The following SORCS3 variants were observed in gnomAD, a reference collection of about 807,000 sequenced individuals.
SORCS3 encodes VPS10 domain-containing receptor SorCS3.
Under a neutral mutation model 146.3 loss-of-function variants are expected in SORCS3, and 57 were observed. The observed-to-expected ratio is 0.39, with a 90% confidence interval of 0.31 to 0.49. SORCS3 has a LOEUF of 0.49. Ranked by LOEUF, SORCS3 falls within the 20% of genes least tolerant of loss-of-function variation. The pLI, the probability that SORCS3 is intolerant of heterozygous loss-of-function variation, is 0.92. For synonymous variants in SORCS3, 653 were observed against 618.5 expected (o/e 1.06, Z -0.83); for missense variants, 1,341 against 1,575.5 (o/e 0.85, Z 2.52).
chr10:104,820,815 A>G (rs939257434), intron 1 of SORCS3, among the ~76,000 whole-genome samples: 7 of 152,226 alleles, frequency 4.6e-5, no homozygotes, highest in Non-Finnish European at 7.3e-5. Context: ...AAGTTGCTGT[A>G]ATGTTAGGAT....
intron 1 of SORCS3, among the ~76,000 whole-genome samples, chr10:104,826,249 G>T (rs1177609450): frequency 6.6e-6 from 1 of 152,170 alleles, no homozygotes; most frequent in East Asian, 1.9e-4. Context: ...CTCAGTAAAT[G>T]TTAGCATGCT....
chr10:104,953,439 G>GC (rs2019454641), intron 3 of SORCS3, among the ~76,000 whole-genome samples: 7 of 152,302 alleles, frequency 4.6e-5, no homozygotes, highest in Admixed American at 4.6e-4. Flanking sequence ...TAATTGGAGT[G>GC]CTTGTTAAAA....
At chr10:104,811,238 T>G (rs1045856169) in intron 1 of SORCS3, among the ~76,000 whole-genome samples, 1 of 152,168 alleles carries the variant, frequency 6.6e-6, no homozygotes, top group Non-Finnish European at 1.5e-5. Flanking sequence ...AAAACCTGAG[T>G]GCCTGTTCTC....
chr10:105,075,784 A>G (rs2055585014), intron 5 of SORCS3, among the ~76,000 whole-genome samples: 1 of 152,106 alleles, frequency 6.6e-6, no homozygotes, highest in East Asian at 1.9e-4. Flanking sequence ...CCACAGAGGG[A>G]AGGGATCCCT....
At chr10:105,152,316 G>A (rs924815933) in intron 9 of SORCS3, among the ~76,000 whole-genome samples, 9 of 152,058 alleles carry the variant, frequency 5.9e-5, no homozygotes, top group Non-Finnish European at 1.2e-4. Context: ...ATTTTATAAA[G>A]TAAAAAACAA....
intron 2 of SORCS3, among the ~76,000 whole-genome samples, chr10:104,873,637 TTTA>T (rs780600164): frequency 5.3e-5 from 8 of 152,252 alleles, no homozygotes; most frequent in Non-Finnish European, 1.0e-4. Context: ...ATCTCTCATT[TTTA>T]TTATAATTGT....
intron 14 of SORCS3, among the ~76,000 whole-genome samples, chr10:105,195,678 T>C (rs1468164117): frequency 6.6e-6 from 1 of 152,234 alleles, no homozygotes; most frequent in Non-Finnish European, 1.5e-5. Context: ...CTGAGTCATG[T>C]ATGCCCCATA....
At chr10:105,217,318 G>A (rs777127145) in intron 19 of SORCS3, among the ~76,000 whole-genome samples, 196 bp downstream of exon 19, 3 of 152,084 alleles carry the variant, frequency 2.0e-5, no homozygotes, top group South Asian at 2.1e-4. Context: ...TTTGAAGTTC[G>A]GATAACATAT....
chr10:104,963,475 T>C (rs977094729), intron 3 of SORCS3, among the ~76,000 whole-genome samples: 7 of 152,208 alleles, frequency 4.6e-5, no homozygotes, highest in South Asian at 2.1e-4. Context: ...CTCTGAGTTT[T>C]CCTTCTCCCT....
intron 16 of SORCS3, among the ~76,000 whole-genome samples, chr10:105,207,114 A>T (rs2056606886): frequency 6.6e-6 from 1 of 152,072 alleles, no homozygotes; most frequent in Non-Finnish European, 1.5e-5. Flanking sequence ...CATGCTGAAC[A>T]GGGATCAGGA....
chr10:105,252,649 C>CT, intron 22 of SORCS3, 126 bp from the exon 23 acceptor site: 1 of 1,128,054 alleles, frequency 8.9e-7, no homozygotes, highest in South Asian at 1.4e-5. Context: ...ATATTGGAGC[C>CT]TGTGCCTAAA....
intron 1 of SORCS3, among the ~76,000 whole-genome samples, chr10:104,822,746 T>C (rs546187633): frequency 1.3e-5 from 2 of 152,298 alleles, no homozygotes; most frequent in East Asian, 1.9e-4. Context: ...GTCCCTGGGA[T>C]TTATCAGCAC....
chr10:105,014,158 G>A (rs1423359464), intron 4 of SORCS3, among the ~76,000 whole-genome samples: 9 of 147,598 alleles, frequency 6.1e-5, no homozygotes, highest in East Asian at 2.0e-4. Flanking sequence ...AAAAAAATTC[G>A]CATAGCAAAA....
At chr10:104,957,990 A>G (rs1033101647) in intron 3 of SORCS3, among the ~76,000 whole-genome samples, 2 of 152,162 alleles carry the variant, frequency 1.3e-5, no homozygotes, top group Admixed American at 1.3e-4. Context: ...ATCCCATAAA[A>G]GTAGGATGAT....
intron 1 of SORCS3, among the ~76,000 whole-genome samples, chr10:104,828,884 C>T (rs1425252304): frequency 1.3e-5 from 2 of 152,152 alleles, no homozygotes; most frequent in South Asian, 2.1e-4. Context: ...TTCAAAGCCA[C>T]CTTGAGCTCT....
chr10:104,738,385 G>A (rs1589479670), intron 1 of SORCS3, among the ~76,000 whole-genome samples: 1 of 152,140 alleles, frequency 6.6e-6, no homozygotes, highest in Non-Finnish European at 1.5e-5. Context: ...TCCAGCCGAG[G>A]CACTTTCCAG....
At chr10:104,911,854 T>G (rs1166781111) in intron 2 of SORCS3, among the ~76,000 whole-genome samples, 1 of 152,162 alleles carries the variant, frequency 6.6e-6, no homozygotes, top group Non-Finnish European at 1.5e-5. Flanking sequence ...AGCCAGAATC[T>G]CCCAGCCTCT....
chr10:104,942,391 A>C (rs1363318096), intron 3 of SORCS3, among the ~76,000 whole-genome samples: 1 of 152,186 alleles, frequency 6.6e-6, no homozygotes, highest in Admixed American at 6.5e-5. Flanking sequence ...GGAAAACTAG[A>C]TCTTACAGAA....
At chr10:104,691,718 A>G (rs1263734817) in intron 1 of SORCS3, among the ~76,000 whole-genome samples, 2 of 152,178 alleles carry the variant, frequency 1.3e-5, no homozygotes, top group Non-Finnish European at 2.9e-5. Context: ...TAAATGAACT[A>G]TATAATGTGT....
Sources: gnomAD v4.1 joint callset for allele counts (sites outside exome capture counted in the v4.1 genomes callset) on GRCh38, gnomAD v4.1.1 for gene constraint, MANE v1.5 for transcripts, NCBI Gene and HGNC (gene_info 2026-07-23, HGNC 2026-07-21) for gene names.